Variants in DIPK1A observed in about 807,000 individuals in gnomAD.
DIPK1A encodes family with sequence similarity 69 member A.
DIPK1A carries 27 observed loss-of-function variants against 40.8 expected under a neutral mutation model. The observed-to-expected ratio is 0.66, with a 90% CI of 0.49 to 0.91. The LOEUF (loss-of-function observed/expected upper bound fraction) is 0.91, where lower values mean the gene tolerates loss of function less well. Among genes scored for constraint, DIPK1A ranks in the 40% least tolerant of loss-of-function variants. The pLI, the probability that DIPK1A is intolerant of heterozygous loss-of-function variation, is 0.00. For missense variants in DIPK1A, 412 were observed against 505.7 expected (o/e 0.81, Z 1.78); for synonymous variants, 166 against 171.3 (o/e 0.97, Z 0.24).
At chr1:92,846,810 T>C (rs1156419141) in intron 4 of DIPK1A, among the ~76,000 whole-genome samples, 1 of 2,512 alleles carries the variant, frequency 4.0e-4, no homozygotes. Context: ...TATATATATA[T>C]ATATATATAT....
At chr1:92,925,702 G>A (rs1650475930) in intron 1 of DIPK1A, among the ~76,000 whole-genome samples, 2 of 151,986 alleles carry the variant, frequency 1.3e-5, no homozygotes, top group African/African-American at 4.8e-5. Context: ...CACCATGTTG[G>A]CCAGGCTGGT....
chr1:92,856,089 TAAATAA>T (rs1234734903), intron 2 of DIPK1A, among the ~76,000 whole-genome samples: 3 of 151,074 alleles, frequency 2.0e-5, no homozygotes, highest in Non-Finnish European at 2.9e-5. Context: ...AATAAATAAA[TAAATAA>T]AAATAAAAAG....
chr1:92,864,043 G>A (rs1264932032), intron 2 of DIPK1A, among the ~76,000 whole-genome samples: 1 of 151,950 alleles, frequency 6.6e-6, no homozygotes, highest in African/African-American at 2.4e-5. Context: ...GTGACACAGC[G>A]AGACTCCATC....
chr1:92,930,999 G>A lies in DIPK1A; in HGVS notation c.54+30377C>T, dbSNP rs1327487162. On this transcript the variant is annotated intron_variant, in intron 1 of 4. Coordinates refer to ENST00000370310, the MANE Select transcript of DIPK1A (RefSeq NM_001006605.5). ...ACTCCTTGAAAGAAATATGTCTTAT[G>A]TAATTGATTACTTCTAGTACTTCAT... 3 of 152,136 alleles carry A rather than the reference G, an allele frequency of 2.0e-5. No homozygotes were observed. The East Asian group carries it at 5.8e-4, about 29-fold the overall frequency. 9.4% of individuals were successfully genotyped at this position (152,136 alleles called of 1,614,324 possible). A position where few individuals can be genotyped will look rare whatever the true frequency, so the allele number is the denominator to read the frequency against.
At chr1:92,961,281 G>C in intron 1 of DIPK1A, 95 bp downstream of exon 1, 2 of 924,330 alleles carry the variant, frequency 2.2e-6, no homozygotes, top group East Asian at 3.9e-5. Flanking sequence ...CACAGACCCA[G>C]GGAGGGAGGA....
intron 1 of DIPK1A, among the ~76,000 whole-genome samples, chr1:92,913,358 C>A (rs1023927822): frequency 4.0e-5 from 6 of 148,736 alleles, no homozygotes; most frequent in African/African-American, 1.5e-4. Flanking sequence ...AATTATCATT[C>A]TTTTATACCA....
intron 1 of DIPK1A, among the ~76,000 whole-genome samples, chr1:92,914,688 G>A (rs1264674592): frequency 6.6e-6 from 1 of 151,624 alleles, no homozygotes; most frequent in African/African-American, 2.4e-5. Flanking sequence ...AGAAGTGCTT[G>A]AACCTAGGAG....
At chr1:92,925,494 G>GT (rs930116654) in intron 1 of DIPK1A, among the ~76,000 whole-genome samples, 53 of 151,740 alleles carry the variant, frequency 3.5e-4, no homozygotes, top group African/African-American at 6.8e-4. Flanking sequence ...GGGTTTTTTT[G>GT]TTTTTTTGCT....
chr1:92,938,062 A>G (rs1651010304), intron 1 of DIPK1A, among the ~76,000 whole-genome samples: 1 of 152,234 alleles, frequency 6.6e-6, no homozygotes, highest in East Asian at 1.9e-4. Flanking sequence ...ATTTTCAAGT[A>G]AAAATGTAAC....
At chr1:92,942,940 G>A (rs1651220934) in intron 1 of DIPK1A, among the ~76,000 whole-genome samples, 1 of 152,256 alleles carries the variant, frequency 6.6e-6, no homozygotes, top group African/African-American at 2.4e-5. Context: ...TGGGAATACA[G>A]GCCTGGGCCA....
intron 2 of DIPK1A, among the ~76,000 whole-genome samples, chr1:92,858,752 A>C (rs1202585529): frequency 1.3e-5 from 2 of 152,200 alleles, no homozygotes; most frequent in Non-Finnish European, 2.9e-5. Flanking sequence ...GGCTTACATC[A>C]AAAACCAAAA....
chr1:92,902,573 C>T (rs563349005), intron 1 of DIPK1A, among the ~76,000 whole-genome samples: 6 of 152,306 alleles, frequency 3.9e-5, no homozygotes, highest in African/African-American at 1.2e-4. Flanking sequence ...AGGTGGCTCC[C>T]TCAGCTGGCC....
chr1:92,877,155 T>A, intron 1 of DIPK1A: 1 of 985,396 alleles, frequency 1.0e-6, no homozygotes, highest in Non-Finnish European at 1.2e-6. Context: ...TGCATTGTTT[T>A]GTTTCCAGTG....
chr1:92,890,319 C>CT (rs1294548176), intron 1 of DIPK1A, among the ~76,000 whole-genome samples: 1 of 152,098 alleles, frequency 6.6e-6, no homozygotes, highest in Non-Finnish European at 1.5e-5. Flanking sequence ...CTTTCTCTTG[C>CT]TTAATTGCTC....
intron 1 of DIPK1A, among the ~76,000 whole-genome samples, chr1:92,907,974 C>T (rs1649689208): frequency 6.6e-6 from 1 of 152,164 alleles, no homozygotes; most frequent in Admixed American, 6.6e-5. Flanking sequence ...TCAAATGATC[C>T]TCCCACCTCA....
At chr1:92,862,243 C>T (rs1324965426) in intron 2 of DIPK1A, among the ~76,000 whole-genome samples, 3 of 152,136 alleles carry the variant, frequency 2.0e-5, no homozygotes, top group African/African-American at 4.8e-5. Context: ...TCTCTTGCCT[C>T]GATTTGGATA....
intron 1 of DIPK1A, among the ~76,000 whole-genome samples, chr1:92,897,376 A>T (rs1235921271): frequency 2.0e-5 from 3 of 152,124 alleles, no homozygotes; most frequent in Non-Finnish European, 4.4e-5. Flanking sequence ...GAAGCTGGAA[A>T]CCATCATTCT....
At chr1:92,947,277 A>T (rs767213621) in intron 1 of DIPK1A, among the ~76,000 whole-genome samples, 1 of 152,210 alleles carries the variant, frequency 6.6e-6, no homozygotes, top group Non-Finnish European at 1.5e-5. Flanking sequence ...GATATTTTTT[A>T]AAAGTATATA....
intron 1 of DIPK1A, among the ~76,000 whole-genome samples, chr1:92,879,533 G>T (rs893421540): frequency 1.3e-5 from 2 of 152,204 alleles, no homozygotes; most frequent in African/African-American, 4.8e-5. Flanking sequence ...GATGTTCCCA[G>T]CAGGGCACTG....
Sources: allele counts gnomAD v4.1 joint callset (sites outside exome capture counted in the v4.1 genomes callset), GRCh38; gene constraint gnomAD v4.1.1; transcripts MANE v1.5; gene names NCBI Gene and HGNC (gene_info 2026-07-23, HGNC 2026-07-21).